SUGCT: variants seen among roughly 807,000 people sequenced by gnomAD.
The protein encoded by SUGCT is succinyl-CoA:glutarate-CoA transferase, also known as succinyl-CoA:glutarate CoA-transferase.
In SUGCT, 41 loss-of-function variants were observed where a neutral mutation model predicts 55.0. The ratio of observed to expected loss-of-function variants is 0.74; its 90% CI spans 0.58 to 0.97. The LOEUF is 0.97. Among genes scored for constraint, SUGCT ranks in the 50% least tolerant of loss-of-function variants. The probability of loss-of-function intolerance (pLI) is 0.00; values close to 1 mark genes in which losing one functional copy is unlikely to be tolerated. For missense variants in SUGCT, 568 were observed against 547.8 expected (o/e 1.04, Z -0.37); for synonymous variants, 187 against 200.4 (o/e 0.93, Z 0.56).
intron 12 of SUGCT, among the ~76,000 whole-genome samples, chr7:40,618,263 T>G (rs1799104355): frequency 6.6e-6 from 1 of 152,230 alleles, no homozygotes; most frequent in Non-Finnish European, 1.5e-5. Context: ...CACCGTCTTC[T>G]GCATCTTTAT....
chr7:40,203,475 A>G (rs1358540505), intron 6 of SUGCT, among the ~76,000 whole-genome samples: 3 of 152,160 alleles, frequency 2.0e-5, no homozygotes, highest in Admixed American at 6.5e-5. Context: ...CTAACTATGG[A>G]AATAGAATAT....
intron 9 of SUGCT, among the ~76,000 whole-genome samples, chr7:40,430,202 C>T (rs1001858322): frequency 6.6e-6 from 1 of 152,188 alleles, no homozygotes; most frequent in South Asian, 2.1e-4. Flanking sequence ...ATTACTGGGT[C>T]ATATGCTAGT....
chr7:40,809,087 T>A (rs1223082618), intron 13 of SUGCT, among the ~76,000 whole-genome samples: 4 of 152,182 alleles, frequency 2.6e-5, no homozygotes, highest in African/African-American at 9.7e-5. Flanking sequence ...AAACATGGAT[T>A]TTGCAAATTA....
At chr7:40,881,143 G>A in the SUGCT span, among the ~76,000 whole-genome samples, 1 of 152,178 alleles carries the variant, frequency 6.6e-6, no homozygotes, top group Non-Finnish European at 1.5e-5. Context: ...ATGTTTTCGT[G>A]GGTAACATGT....
chr7:40,168,504 A>G (rs911699536), intron 1 of SUGCT, among the ~76,000 whole-genome samples: 1 of 152,234 alleles, frequency 6.6e-6, no homozygotes, highest in Admixed American at 6.5e-5. Flanking sequence ...CTTAACAAGG[A>G]GGTTAAAGAT....
chr7:40,679,982 A>G (rs952888568), intron 12 of SUGCT, among the ~76,000 whole-genome samples: 2 of 152,204 alleles, frequency 1.3e-5, no homozygotes, highest in Admixed American at 1.3e-4. Flanking sequence ...TTGCTAATGC[A>G]TGGCCCTCCA....
chr7:40,197,987 AT>A (rs921706881), intron 6 of SUGCT, among the ~76,000 whole-genome samples: 14 of 152,188 alleles, frequency 9.2e-5, no homozygotes, highest in Non-Finnish European at 2.1e-4. Context: ...CTGTATTAAA[AT>A]TTTAGTGTGG....
At chr7:40,293,578 C>T (rs763882742) in intron 8 of SUGCT, among the ~76,000 whole-genome samples, 7 of 152,150 alleles carry the variant, frequency 4.6e-5, no homozygotes, top group South Asian at 2.1e-4. Context: ...GGGCCTCACA[C>T]GCAAGCATTG....
intron 13 of SUGCT, among the ~76,000 whole-genome samples, chr7:40,848,980 G>A (rs1411884297): frequency 6.6e-6 from 1 of 152,154 alleles, no homozygotes; most frequent in Middle Eastern, 3.2e-3. Context: ...ATGAGTTCAA[G>A]CACTGGAAGG....
chr7:40,149,595 C>T (rs1257666229), intron 1 of SUGCT, among the ~76,000 whole-genome samples: 1 of 151,998 alleles, frequency 6.6e-6, no homozygotes, highest in East Asian at 1.9e-4. Flanking sequence ...CCAACCTGGC[C>T]AACATAATGA....
At chr7:40,493,578 A>G (rs1185496023) in intron 11 of SUGCT, among the ~76,000 whole-genome samples, 2 of 152,356 alleles carry the variant, frequency 1.3e-5, no homozygotes, top group East Asian at 3.9e-4. Flanking sequence ...TGAATTTACA[A>G]AAATCTAGAA....
At chr7:40,341,123 T>G (rs1049332374) in intron 9 of SUGCT, among the ~76,000 whole-genome samples, 10 of 152,232 alleles carry the variant, frequency 6.6e-5, no homozygotes, top group African/African-American at 2.4e-4. Flanking sequence ...CTTGTTTACA[T>G]TCTAATGAAA....
chr7:40,922,067 G>C, the SUGCT span, among the ~76,000 whole-genome samples: 1 of 152,056 alleles, frequency 6.6e-6, no homozygotes, highest in South Asian at 2.1e-4. Context: ...GTATCTTCCC[G>C]TATTTGTCAC....
At chr7:40,986,078 AG>A in the SUGCT span, among the ~76,000 whole-genome samples, 3 of 152,222 alleles carry the variant, frequency 2.0e-5, no homozygotes, top group African/African-American at 7.2e-5. Flanking sequence ...ACACAACATG[AG>A]CCGAATTTTG....
chr7:40,837,138 A>T (rs1793025780), intron 13 of SUGCT, among the ~76,000 whole-genome samples: 1 of 152,182 alleles, frequency 6.6e-6, no homozygotes, highest in Admixed American at 6.5e-5. Context: ...CATTCTGTAG[A>T]TGTGTTTCAA....
At chr7:40,967,745 C>A in the SUGCT span, among the ~76,000 whole-genome samples, 1 of 152,054 alleles carries the variant, frequency 6.6e-6, no homozygotes, top group African/African-American at 2.4e-5. Context: ...CTCAGCCTCC[C>A]GAGTAGCTGG....
the SUGCT span, among the ~76,000 whole-genome samples, chr7:40,961,762 G>A: frequency 1.3e-5 from 2 of 152,064 alleles, no homozygotes; most frequent in Non-Finnish European, 2.9e-5. Flanking sequence ...TGGTCTCGCT[G>A]ACTTCAGGAG....
chr7:40,639,795 G>A (rs1276765525), intron 12 of SUGCT, among the ~76,000 whole-genome samples: 1 of 152,014 alleles, frequency 6.6e-6, no homozygotes, highest in African/African-American at 2.4e-5. Context: ...TTACAGGCGT[G>A]AGCCACTGCG....
the SUGCT span, among the ~76,000 whole-genome samples, chr7:40,901,037 G>A: frequency 1.3e-5 from 2 of 152,138 alleles, no homozygotes; most frequent in African/African-American, 4.8e-5. Flanking sequence ...TGGGGAGTGA[G>A]GTAGTGTTTC....
Sources: allele counts gnomAD v4.1 joint callset (sites outside exome capture counted in the v4.1 genomes callset), GRCh38; gene constraint gnomAD v4.1.1; transcripts MANE v1.5; gene names NCBI Gene and HGNC (gene_info 2026-07-23, HGNC 2026-07-21).